Variants in GRM7 observed in about 807,000 individuals in gnomAD.
The protein encoded by GRM7 is metabotropic glutamate receptor 7.
A neutral mutation model predicts 84.5 loss-of-function variants in GRM7; 35 were observed. The observed-to-expected ratio is 0.41, with a 90% confidence interval of 0.32 to 0.55. GRM7 has a LOEUF of 0.55. Among genes scored for constraint, GRM7 ranks in the 20% least tolerant of loss-of-function variants. The pLI is 0.19. For missense variants in GRM7, 1,003 were observed against 1,194.6 expected, an observed-to-expected ratio of 0.84 and a Z score of 2.36; for synonymous variants, 487 against 455.1, an observed-to-expected ratio of 1.07 and a Z score of -0.89.
At chr3:7,101,180 T>C (rs1013111965) in intron 1 of GRM7, among the ~76,000 whole-genome samples, 5 of 151,792 alleles carry the variant, frequency 3.3e-5, no homozygotes, top group African/African-American at 1.2e-4. Flanking sequence ...ACTCCCAAAC[T>C]GTTATTCAAA....
At chr3:7,282,607 A>G (rs1699293416) in intron 2 of GRM7, among the ~76,000 whole-genome samples, 1 of 152,210 alleles carries the variant, frequency 6.6e-6, no homozygotes, top group African/African-American at 2.4e-5. Flanking sequence ...ACACTTATAG[A>G]TTCTGAGGAG....
At chr3:7,520,990 C>A (rs1027034828) in intron 7 of GRM7, among the ~76,000 whole-genome samples, 2 of 152,158 alleles carry the variant, frequency 1.3e-5, no homozygotes, top group Non-Finnish European at 2.9e-5. Flanking sequence ...CTTCCCCAAC[C>A]CACAACTCAA....
chr3:6,899,024 T>C (rs951757179), intron 1 of GRM7, among the ~76,000 whole-genome samples: 4 of 152,050 alleles, frequency 2.6e-5, no homozygotes, highest in Non-Finnish European at 5.9e-5. Flanking sequence ...ATCAGTAAAA[T>C]AGGGGCAAAA....
chr3:7,434,302 C>A (rs1696952913), intron 5 of GRM7, among the ~76,000 whole-genome samples: 1 of 152,136 alleles, frequency 6.6e-6, no homozygotes, highest in Non-Finnish European at 1.5e-5. Context: ...TGCTTTATTG[C>A]ACTGATGAGG....
rs1302400492 is a variant in GRM7 at position 6,861,928 on chromosome 3, G to A, written c.519+21G>A. On this transcript the variant is annotated intron_variant, in intron 1 of 9. Coordinates refer to ENST00000357716, the MANE Select transcript of GRM7 (RefSeq NM_000844.4). This position sits in a 1 kb window ranked among gnomAD's most constrained non-coding sequence, Gnocchi z 6.4. ...TCCAGGTAGGGATGCGCTCCCTCCGGGGCGGAGCACACAGTGGCTACCTGC... is the reference window on the plus strand; with the variant it reads ...TCCAGGTAGGGATGCGCTCCCTCCGAGGCGGAGCACACAGTGGCTACCTGC... 3 of 1,588,972 alleles carry A rather than the reference G, an allele frequency of 1.9e-6. No homozygotes were observed. Among genetic ancestry groups the A allele is most frequent in the Non-Finnish European group, 2.6e-6 (3 of 1,164,004 alleles).
At chr3:7,191,476 A>G (rs1695710400) in intron 2 of GRM7, among the ~76,000 whole-genome samples, 1 of 152,124 alleles carries the variant, frequency 6.6e-6, no homozygotes, top group African/African-American at 2.4e-5. Flanking sequence ...TATTTATTGC[A>G]GTGTTTTTTA....
chr3:7,093,663 C>G (rs943157309), intron 1 of GRM7, among the ~76,000 whole-genome samples: 1 of 96,040 alleles, frequency 1.0e-5, no homozygotes, highest in Non-Finnish European at 1.9e-5. Context: ...GGCGATAGAG[C>G]AAGACTCTGT....
intron 1 of GRM7, among the ~76,000 whole-genome samples, chr3:7,145,509 T>C (rs1191920525): frequency 1.3e-5 from 2 of 152,156 alleles, no homozygotes; most frequent in East Asian, 3.9e-4. Flanking sequence ...TGCAGCTCTT[T>C]CCATGTATAT....
At chr3:7,261,116 C>A (rs1698405551) in intron 2 of GRM7, among the ~76,000 whole-genome samples, 1 of 152,164 alleles carries the variant, frequency 6.6e-6, no homozygotes, top group East Asian at 1.9e-4. Flanking sequence ...CATCTGCTTT[C>A]ATTTCCCAGC....
intron 7 of GRM7, among the ~76,000 whole-genome samples, chr3:7,465,799 A>T (rs1011350736): frequency 6.6e-6 from 1 of 152,250 alleles, no homozygotes; most frequent in Non-Finnish European, 1.5e-5. Flanking sequence ...TGAGCCAAGA[A>T]ATCAGAGTTT....
At chr3:7,232,951 C>G (rs1183295590) in intron 2 of GRM7, among the ~76,000 whole-genome samples, 1 of 152,046 alleles carries the variant, frequency 6.6e-6, no homozygotes, top group South Asian at 2.1e-4. Flanking sequence ...TATGGGTACC[C>G]TGAAGGGAAC....
chr3:7,235,456 A>T (rs2124908583), intron 2 of GRM7, among the ~76,000 whole-genome samples: 1 of 152,284 alleles, frequency 6.6e-6, no homozygotes, highest in African/African-American at 2.4e-5. Flanking sequence ...GTGGTACATG[A>T]TAAGCACCCC....
intron 1 of GRM7, among the ~76,000 whole-genome samples, chr3:7,110,795 G>T (rs1281386444): frequency 6.6e-6 from 1 of 152,080 alleles, no homozygotes; most frequent in Non-Finnish European, 1.5e-5. Flanking sequence ...GGAGAAGAAT[G>T]TGTAAATTAG....
chr3:7,179,111 AT>A (rs1369966027), intron 2 of GRM7, among the ~76,000 whole-genome samples: 4 of 152,108 alleles, frequency 2.6e-5, no homozygotes, highest in African/African-American at 7.2e-5. Context: ...ATTTAAAAAA[AT>A]AAAAAAATGT....
At chr3:7,464,796 C>T (rs927694256) in intron 7 of GRM7, among the ~76,000 whole-genome samples, 1 of 147,106 alleles carries the variant, frequency 6.8e-6, no homozygotes, top group Non-Finnish European at 1.5e-5. Flanking sequence ...CCACTGCACT[C>T]CAGCCTGGGT....
chr3:7,101,129 G>T (rs1422430587), intron 1 of GRM7, among the ~76,000 whole-genome samples: 1 of 151,714 alleles, frequency 6.6e-6, no homozygotes, highest in Non-Finnish European at 1.5e-5. Context: ...AAGTGAAATT[G>T]CTGGGTCATA....
At chr3:7,162,646 T>A (rs1694660471) in intron 2 of GRM7, among the ~76,000 whole-genome samples, 1 of 149,722 alleles carries the variant, frequency 6.7e-6, no homozygotes, top group South Asian at 2.1e-4. Flanking sequence ...AATAGAACTG[T>A]CAGGTGTGAG....
intron 4 of GRM7, among the ~76,000 whole-genome samples, chr3:7,405,476 T>G (rs769174530): frequency 6.6e-6 from 1 of 152,192 alleles, no homozygotes; most frequent in South Asian, 2.1e-4. Context: ...CATCTCTTTG[T>G]GTTGGGAAGA....
chr3:7,240,715 A>C (rs2136152), intron 2 of GRM7, among the ~76,000 whole-genome samples: 131,727 of 152,146 alleles, frequency 0.87, 57,141 homozygotes, highest in East Asian at 0.98. Flanking sequence ...CCTCTTCCAC[A>C]TGAAGGTAGC....
Sources: gnomAD v4.1 joint callset for allele counts (sites outside exome capture counted in the v4.1 genomes callset) on GRCh38, gnomAD v4.1.1 for gene constraint, Gnocchi (gnomAD v3.1) non-coding constraint, MANE v1.5 for transcripts, NCBI Gene and HGNC (gene_info 2026-07-23, HGNC 2026-07-21) for gene names.